The following GALNT16 variants were observed in gnomAD, a reference collection of about 807,000 sequenced individuals.
GALNT16 encodes UDP-GalNAc:polypeptide N-acetylgalactosaminyltransferase-like protein 1.
In GALNT16, 40 loss-of-function variants were observed where a neutral mutation model predicts 76.1. That is an observed-to-expected ratio of 0.53 (90% CI 0.41 to 0.68). The LOEUF (loss-of-function observed/expected upper bound fraction) is 0.68. GALNT16 is among the 30% of genes least tolerant of loss of function. The pLI, the probability that GALNT16 is intolerant of heterozygous loss-of-function variation, is 0.00. For synonymous variants in GALNT16, 276 were observed against 285.2 expected (o/e 0.97, Z 0.32); for missense variants, 621 against 731.9 (o/e 0.85, Z 1.75).
Position 69,347,079 on chromosome 14 carries a change from G to A in GALNT16, c.1311G>A (p.Gln437=), listed in dbSNP as rs564848501. The A allele has an allele frequency of 2.5e-6, 4 of 1,614,056 alleles. No individual in the cohort carries two copies. The African/African-American group carries it at 5.3e-5, about 22-fold the overall frequency. The part of the protein sequence containing the change: ...VKEALPGIIK[Q]GVNCLESQGQ... ...AAGCACTCCCCGGCATCATTAAGCA[G>A]GGGGTGAACTGCTTAGAATCTCAGG... is the stretch of plus-strand genomic sequence containing the variant. The change falls in exon 13 of 15, where the codon CAG becomes CAA. Residue 437 remains glutamine, a synonymous_variant. Coordinates refer to ENST00000448469, the MANE Select transcript of GALNT16 (RefSeq NM_001168368.2).
chr14:69,316,981 A>G (rs577373389), intron 1 of GALNT16, among the ~76,000 whole-genome samples: 260 of 152,274 alleles, frequency 1.7e-3, no homozygotes, highest in Middle Eastern at 3.4e-3. Flanking sequence ...AGAGCTCACC[A>G]TCTAGTGGAA....
chr14:69,377,053 G>A, the GALNT16 span, among the ~76,000 whole-genome samples: 2 of 152,192 alleles, frequency 1.3e-5, no homozygotes, highest in East Asian at 3.9e-4. Flanking sequence ...CTGCCATGAG[G>A]AATACTCCCG....
At chr14:69,317,553 A>C (rs778264870) in intron 1 of GALNT16, among the ~76,000 whole-genome samples, 2 of 152,184 alleles carry the variant, frequency 1.3e-5, no homozygotes, top group Non-Finnish European at 2.9e-5. Flanking sequence ...GTGTATGTAC[A>C]TAGTAGGTTT....
At chr14:69,325,173 C>T (rs1267952619) in intron 3 of GALNT16, among the ~76,000 whole-genome samples, 164 bp from the exon 4 acceptor site, 2 of 152,126 alleles carry the variant, frequency 1.3e-5, no homozygotes, top group Non-Finnish European at 2.9e-5. Flanking sequence ...CTCCCATCTC[C>T]CCATTTCCTC....
intron 1 of GALNT16, among the ~76,000 whole-genome samples, chr14:69,265,600 A>G (rs1173833067): frequency 6.6e-6 from 1 of 152,200 alleles, no homozygotes; most frequent in Non-Finnish European, 1.5e-5. Flanking sequence ...TACAAGATTG[A>G]AGATTTATAC....
rs576016361 is a variant in GALNT16, at chr14:69,317,276, C to T, written c.178-3435C>T. Reference sequence around the variant, plus strand: ...ATGCAGGCTAGCAGCAGCACAGTTCCCCTTTAGAAGAGGGGAGGAGGGAAA... The same window carrying T: ...ATGCAGGCTAGCAGCAGCACAGTTCTCCTTTAGAAGAGGGGAGGAGGGAAA... On this transcript the variant is annotated intron_variant, in intron 1 of 14. Coordinates refer to ENST00000448469, the MANE Select transcript of GALNT16 (RefSeq NM_001168368.2). Among the ~76,000 whole-genome samples, 4 of 152,314 alleles carry T rather than the reference C, an allele frequency of 2.6e-5. No individual in the cohort carries two copies. In the South Asian group the frequency reaches 8.3e-4, roughly 32 times the overall value.
chr14:69,306,609 T>G (rs2044937997), intron 1 of GALNT16, among the ~76,000 whole-genome samples: 1 of 152,214 alleles, frequency 6.6e-6, no homozygotes. Context: ...AAAACCATCA[T>G]GAACATCTTT....
intron 6 of GALNT16, among the ~76,000 whole-genome samples, chr14:69,329,243 G>C (rs1296939638): frequency 6.6e-6 from 1 of 152,116 alleles, no homozygotes; most frequent in African/African-American, 2.4e-5. Context: ...TGTGCTCCCA[G>C]CTACTTGGGA....
In GALNT16 at chr14:69,322,924, GGGTGTGT is replaced by G. The variant is rs1158220372; in HGVS notation, c.336-1766_336-1760del. 5.4e-4 allele frequency among the ~76,000 whole-genome samples: 57 copies of G among 104,710 alleles called. 1 individual carries two copies. The highest frequency in any genetic ancestry group is 2.0e-3 in the African/African-American group (51 of 26,142). The allele number at this position is 104,710 out of a possible 152,430, so 68.7% of individuals were successfully genotyped here. Reference sequence around the variant, plus strand: ...AAAAAGAAAGCTGAGGTGGCTCACGGGGTGTGTGTGTGTGTGTGTGTGTGTGTGTGTG... The same window carrying G: ...AAAAAGAAAGCTGAGGTGGCTCACGGGTGTGTGTGTGTGTGTGTGTGTGTG... On this transcript the variant is annotated intron_variant, in intron 2 of 14. Coordinates refer to ENST00000448469, the MANE Select transcript of GALNT16 (RefSeq NM_001168368.2).
upstream of GALNT16, chr14:69,259,896 G>A: frequency 5.6e-6 from 1 of 179,770 alleles, no homozygotes; most frequent in Non-Finnish European, 1.1e-5. Context: ...TTGGCCAGTC[G>A]CCATTCCGCC....
At chr14:69,260,620 T>TA (rs2044252943) in intron 1 of GALNT16, 153 bp downstream of exon 1, 1 of 428,742 alleles carries the variant, frequency 2.3e-6, no homozygotes, top group South Asian at 1.2e-4. Flanking sequence ...TGCCCGTTGT[T>TA]ATGGCAACCT....
chr14:69,342,161 G>A (rs909837288), intron 12 of GALNT16, among the ~76,000 whole-genome samples: 6 of 152,004 alleles, frequency 3.9e-5, no homozygotes, highest in African/African-American at 9.7e-5. Flanking sequence ...GAAAAAATGA[G>A]AAACCGCCAG....
chr14:69,272,793 T>A (rs1291109963), intron 1 of GALNT16, among the ~76,000 whole-genome samples: 1 of 152,242 alleles, frequency 6.6e-6, no homozygotes, highest in Non-Finnish European at 1.5e-5. Flanking sequence ...CATGTGAAAA[T>A]ACTTATTGTG....
chr14:69,350,121 A>T (rs1242568491), intron 14 of GALNT16: 1 of 152,252 alleles, frequency 6.6e-6, no homozygotes, highest in Non-Finnish European at 1.5e-5. Context: ...CTGAGACAGG[A>T]GAATCGCTTG....
At chr14:69,288,515 C>A (rs931683191) in intron 1 of GALNT16, among the ~76,000 whole-genome samples, 34 of 152,350 alleles carry the variant, frequency 2.2e-4, no homozygotes, top group African/African-American at 7.9e-4. Context: ...GGCCCCTATG[C>A]TTTCCCAACA....
intron 1 of GALNT16, among the ~76,000 whole-genome samples, chr14:69,265,186 C>A (rs1251249203): frequency 6.6e-6 from 1 of 152,120 alleles, no homozygotes; most frequent in Non-Finnish European, 1.5e-5. Context: ...TCGAGACCTG[C>A]CTCTGGGACA....
chr14:69,347,298 C>A, intron 13 of GALNT16, 117 bp downstream of exon 13: 1 of 1,102,662 alleles, frequency 9.1e-7, no homozygotes, highest in East Asian at 2.7e-5. Flanking sequence ...CACAAACCCA[C>A]TTTGCCAGGG....
At chr14:69,342,338 T>A (rs997897166) in intron 12 of GALNT16, among the ~76,000 whole-genome samples, 1 of 150,012 alleles carries the variant, frequency 6.7e-6, no homozygotes, top group Non-Finnish European at 1.5e-5. Context: ...AGTGGGAGGA[T>A]CACTTGAGCC....
Position 69,333,654 on chromosome 14 carries a change from T to C in GALNT16, c.967+54T>C, listed in dbSNP as rs2045384489. On this transcript the variant is annotated intron_variant, in intron 9 of 14. Transcript: ENST00000448469. This position sits in a 1 kb window ranked among gnomAD's most constrained non-coding sequence, Gnocchi z 4.2. The stretch of plus-strand genomic sequence containing the variant: ...TAACAGTAGCAGTAATAACCACAGT[T>C]AACCCTGACAGAGCACTTTCTATGC... 2 of 946,766 alleles carry C rather than the reference T, an allele frequency of 2.1e-6. No individual in the cohort carries two copies. The highest frequency in any genetic ancestry group is 3.4e-6 in the Non-Finnish European group (2 of 585,816). The allele number at this position is 946,766 out of a possible 1,614,324, so 58.6% of individuals were successfully genotyped here.
Sources: gnomAD v4.1 joint callset for allele counts (sites outside exome capture counted in the v4.1 genomes callset) on GRCh38, gnomAD v4.1.1 for gene constraint, Gnocchi (gnomAD v3.1) non-coding constraint, MANE v1.5 for transcripts, NCBI Gene and HGNC (gene_info 2026-07-23, HGNC 2026-07-21) for gene names.